The following PM20D2 variants were observed in gnomAD, a reference collection of about 807,000 sequenced individuals.
PM20D2 encodes xaa-Arg dipeptidase.
PM20D2 carries 33 observed loss-of-function variants against 42.9 expected under a neutral mutation model. That is an observed-to-expected ratio of 0.77 (90% CI 0.58 to 1.03). The LOEUF is 1.03. Among genes scored for constraint, PM20D2 ranks in the 50% least tolerant of loss-of-function variants. The pLI is 0.00. For synonymous variants in PM20D2, 250 were observed against 228.2 expected, an observed-to-expected ratio of 1.10 and a Z score of -0.86; for missense variants, 548 against 557.0, an observed-to-expected ratio of 0.98 and a Z score of 0.16.
At chr6:89,099,883 C>T in the PM20D2 span, among the ~76,000 whole-genome samples, 1 of 152,068 alleles carries the variant, frequency 6.6e-6, no homozygotes, top group Non-Finnish European at 1.5e-5. Flanking sequence ...AACAACTGTT[C>T]GAAGGCACTG....
chr6:89,124,310 G>A, the PM20D2 span, among the ~76,000 whole-genome samples: 1 of 152,296 alleles, frequency 6.6e-6, no homozygotes, highest in South Asian at 2.1e-4. Context: ...CTCACACTAT[G>A]CAATTCCACA....
At chr6:89,131,283 C>T in the PM20D2 span, among the ~76,000 whole-genome samples, 27 of 152,302 alleles carry the variant, frequency 1.8e-4, no homozygotes, top group East Asian at 5.0e-3. Context: ...AAAGCCCCAG[C>T]TCTCAATAGT....
chr6:89,098,211 G>GA, the PM20D2 span: 8 of 160,944 alleles, frequency 5.0e-5, no homozygotes, highest in Admixed American at 5.0e-4. Flanking sequence ...CTTTTTACAT[G>GA]AAAGTGCTTT....
upstream of PM20D2, among the ~76,000 whole-genome samples, chr6:89,141,400 C>T (rs1770289778): frequency 6.6e-6 from 1 of 152,110 alleles, no homozygotes; most frequent in South Asian, 2.1e-4. Flanking sequence ...GAGTCTCACT[C>T]TGTCACCCAG....
chr6:89,139,352 T>G, the PM20D2 span, among the ~76,000 whole-genome samples: 1 of 152,256 alleles, frequency 6.6e-6, no homozygotes, highest in Non-Finnish European at 1.5e-5. Context: ...CGTGATTACA[T>G]TCCTGTGCCA....
the PM20D2 span, among the ~76,000 whole-genome samples, chr6:89,107,841 T>C: frequency 6.6e-6 from 1 of 152,298 alleles, no homozygotes; most frequent in East Asian, 1.9e-4. Flanking sequence ...TCTGTATCTT[T>C]ACAAGCACTC....
chr6:89,099,413 T>TAC, the PM20D2 span, among the ~76,000 whole-genome samples: 37 of 140,040 alleles, frequency 2.6e-4, no homozygotes, highest in African/African-American at 9.8e-4. Flanking sequence ...CATATATATA[T>TAC]ACATATATAT....
intron 2 of PM20D2, among the ~76,000 whole-genome samples, chr6:89,152,330 A>G (rs902459572): frequency 3.3e-5 from 5 of 152,340 alleles, no homozygotes; most frequent in Admixed American, 6.5e-5. Flanking sequence ...GGTATTATTA[A>G]TCAGGCTTAA....
the PM20D2 span, chr6:89,117,701 G>C: frequency 4.0e-6 from 4 of 992,740 alleles, no homozygotes; most frequent in African/African-American, 5.2e-5. Context: ...GGCGCAGCCT[G>C]GGCCCGCGGG....
At chr6:89,122,558 A>G in the PM20D2 span, among the ~76,000 whole-genome samples, 1 of 152,350 alleles carries the variant, frequency 6.6e-6, no homozygotes, top group Admixed American at 6.5e-5. Context: ...ACTGATTAAT[A>G]TTTTAACTGC....
At chr6:89,099,692 C>T in the PM20D2 span, among the ~76,000 whole-genome samples, 196 of 152,072 alleles carry the variant, frequency 1.3e-3, no homozygotes, top group Non-Finnish European at 2.4e-3. Context: ...TGCGCCACCA[C>T]GCCCAGCTAA....
At chr6:89,155,212 A>ATAC (rs1273101847) in intron 4 of PM20D2, among the ~76,000 whole-genome samples, 1 of 141,150 alleles carries the variant, frequency 7.1e-6, no homozygotes, top group Non-Finnish European at 1.5e-5. Context: ...TAGAATTGCT[A>ATAC]TATGTAGTTT....
the PM20D2 span, among the ~76,000 whole-genome samples, chr6:89,119,548 C>T: frequency 3.9e-5 from 6 of 152,190 alleles, no homozygotes; most frequent in South Asian, 1.2e-3. Context: ...GAATGCTTAC[C>T]ATGTGTTAGT....
intron 2 of PM20D2, among the ~76,000 whole-genome samples, chr6:89,150,603 G>A (rs572701133): frequency 1.5e-5 from 2 of 131,232 alleles, no homozygotes; most frequent in South Asian, 2.5e-4. Flanking sequence ...GCAGTGGCAC[G>A]ATCTTGGCTC....
the PM20D2 span, among the ~76,000 whole-genome samples, chr6:89,125,516 C>T: frequency 2.6e-5 from 4 of 151,720 alleles, no homozygotes; most frequent in Non-Finnish European, 5.9e-5. Context: ...TGCAGTGGCT[C>T]ATGCCTGTAA....
At chr6:89,121,832 A>G in the PM20D2 span, among the ~76,000 whole-genome samples, 1 of 152,206 alleles carries the variant, frequency 6.6e-6, no homozygotes, top group Admixed American at 6.5e-5. Flanking sequence ...ATTATGATCA[A>G]TTAAATGCTT....
chr6:89,157,466 G>A (rs777743447), intron 4 of PM20D2, among the ~76,000 whole-genome samples: 23 of 152,218 alleles, frequency 1.5e-4, no homozygotes, highest in Non-Finnish European at 2.8e-4. Flanking sequence ...AGCTGCTTCC[G>A]TATCTTTATA....
At chr6:89,117,734 A>G in the PM20D2 span, 486 of 1,319,720 alleles carry the variant, frequency 3.7e-4, 6 homozygotes, top group African/African-American at 6.0e-3. Flanking sequence ...AGCTCCCCCG[A>G]GCCTCCGCCG....
At chr6:89,117,751 G>A in the PM20D2 span, 1 of 1,436,554 alleles carries the variant, frequency 7.0e-7, no homozygotes, top group Non-Finnish European at 9.2e-7. Context: ...GCCGGGCCTC[G>A]GCCGTGCTCC....
Sources: allele counts gnomAD v4.1 joint callset (sites outside exome capture counted in the v4.1 genomes callset), GRCh38; gene constraint gnomAD v4.1.1; transcripts MANE v1.5; gene names NCBI Gene and HGNC (gene_info 2026-07-23, HGNC 2026-07-21).